MYRFL: variants seen among roughly 807,000 people sequenced by gnomAD.
MYRFL encodes myelin regulatory factor like.
A neutral mutation model predicts 109.4 loss-of-function variants in MYRFL; 88 were observed. That is an observed-to-expected ratio of 0.80 (90% CI 0.68 to 0.96). The LOEUF is 0.96. Ranked by LOEUF, MYRFL falls within the 40% of genes least tolerant of loss-of-function variation. MYRFL has a pLI of 0.00. For missense variants in MYRFL, 957 were observed against 954.9 expected (o/e 1.00, Z -0.03); for synonymous variants, 324 against 320.9 (o/e 1.01, Z -0.10).
chr12:69,851,534 G>T (rs576635912), intron 1 of MYRFL, among the ~76,000 whole-genome samples: 6 of 152,250 alleles, frequency 3.9e-5, no homozygotes, highest in African/African-American at 1.4e-4. Flanking sequence ...ATTATAAAAG[G>T]AGAGCTTTTA....
At chr12:69,935,884 A>G in intron 16 of MYRFL, 1 of 526,792 alleles carries the variant, frequency 1.9e-6, no homozygotes. Flanking sequence ...AAAATCCATC[A>G]GCATGGAATA....
At chr12:69,905,462 T>A (rs777004959) in intron 11 of MYRFL, among the ~76,000 whole-genome samples, 9 of 152,196 alleles carry the variant, frequency 5.9e-5, no homozygotes, top group Non-Finnish European at 1.2e-4. Flanking sequence ...TTCCTGCTCA[T>A]GGCAGCATGA....
At chr12:69,854,526 G>A (rs1348853960) in intron 1 of MYRFL, among the ~76,000 whole-genome samples, 1 of 152,158 alleles carries the variant, frequency 6.6e-6, no homozygotes, top group Non-Finnish European at 1.5e-5. Context: ...TGGGACTACA[G>A]GCACATGCCA....
At chr12:69,862,046 A>G (rs2136325096) in intron 2 of MYRFL, among the ~76,000 whole-genome samples, 1 of 150,206 alleles carries the variant, frequency 6.7e-6, no homozygotes, top group Non-Finnish European at 1.5e-5. Flanking sequence ...TTTGTCAAAG[A>G]TCAGATAGTT....
chr12:69,917,881 G>A lies in MYRFL; in HGVS notation c.1602+6951G>A, dbSNP rs1435006237. On this transcript the variant is annotated intron_variant, in intron 13 of 24. Transcript: ENST00000552032. ...AAGATAAGGTCAATATTGGCTTTGA[G>A]ATGTCAACTGAACATTTAGATGAAA... 2.0e-5 allele frequency among the ~76,000 whole-genome samples: 3 copies of A among 149,164 alleles called. No individual in the cohort carries two copies. In the East Asian group the frequency reaches 5.8e-4, roughly 29 times the overall value.
At chr12:69,914,328 T>G (rs1352500753) in intron 13 of MYRFL, among the ~76,000 whole-genome samples, 1 of 152,188 alleles carries the variant, frequency 6.6e-6, no homozygotes, top group Non-Finnish European at 1.5e-5. Context: ...AATTAAAGCT[T>G]TTTTTCATAA....
At chr12:69,919,901 A>ACTT (rs1358288286) in intron 13 of MYRFL, among the ~76,000 whole-genome samples, 1 of 152,228 alleles carries the variant, frequency 6.6e-6, no homozygotes, top group African/African-American at 2.4e-5. Flanking sequence ...GCCTATTTCA[A>ACTT]CTTCTTGAAG....
intron 1 of MYRFL, among the ~76,000 whole-genome samples, chr12:69,853,014 T>G (rs904123729): frequency 1.3e-5 from 2 of 152,236 alleles, no homozygotes; most frequent in Non-Finnish European, 2.9e-5. Context: ...AACATCTGAT[T>G]TCTCTTTCTT....
At position 69,886,801 on chromosome 12, in the gene MYRFL, C is replaced by T. The variant is rs74101368; in HGVS notation, c.557-19C>T. ...AAACAGCCTGGAAGGAAGGCTCTGA[C>T]GCACCTGTTTCTTTGCAGTGACAAG... On this transcript the variant is annotated intron_variant, in intron 5 of 24. Coordinates refer to ENST00000552032, the MANE Select transcript of MYRFL (RefSeq NM_182530.3). 5.8e-3 allele frequency: 8,963 copies of T among 1,535,236 alleles called. 429 individuals carry two copies. In the African/African-American group the frequency reaches 0.11, roughly 18 times the overall value.
chr12:69,909,823 T>C, intron 11 of MYRFL, 146 bp from the exon 12 acceptor site: 1 of 635,386 alleles, frequency 1.6e-6, no homozygotes, highest in South Asian at 2.1e-5. Flanking sequence ...AGCAGTTGGG[T>C]AATCCTGGCT....
intron 19 of MYRFL, among the ~76,000 whole-genome samples, chr12:69,937,630 T>C (rs953913871): frequency 1.2e-4 from 19 of 152,242 alleles, no homozygotes; most frequent in African/African-American, 4.1e-4. Flanking sequence ...TTATACTTCA[T>C]TGGCCAAAGC....
intron 6 of MYRFL, among the ~76,000 whole-genome samples, chr12:69,887,186 G>A (rs1479970231): frequency 6.6e-6 from 1 of 152,172 alleles, no homozygotes; most frequent in Non-Finnish European, 1.5e-5. Context: ...AGTTCCACCT[G>A]ATTATAATTT....
chr12:69,920,504 T>C (rs891466600), intron 13 of MYRFL, among the ~76,000 whole-genome samples: 17 of 152,276 alleles, frequency 1.1e-4, no homozygotes, highest in African/African-American at 4.1e-4. Flanking sequence ...AATCATCAAA[T>C]GTGTACTGAG....
At chr12:69,911,024 G>A (rs528371887) in intron 13 of MYRFL, 94 bp downstream of exon 13, 1 of 725,884 alleles carries the variant, frequency 1.4e-6, no homozygotes, top group South Asian at 1.8e-5. Context: ...ATCCAACCAG[G>A]AAGTGGGACA....
chr12:69,951,878 TG>T (rs1033211126), intron 19 of MYRFL, among the ~76,000 whole-genome samples: 3 of 152,248 alleles, frequency 2.0e-5, no homozygotes, highest in Admixed American at 2.0e-4. Context: ...TATATGCATT[TG>T]AATTTGGTAG....
At chr12:69,912,917 C>A (rs1203919531) in intron 13 of MYRFL, among the ~76,000 whole-genome samples, 1 of 152,156 alleles carries the variant, frequency 6.6e-6, no homozygotes, top group East Asian at 1.9e-4. Context: ...TACATTCCCA[C>A]CAACAGTTCC....
At chr12:69,841,942 T>C (rs1277108995) in intron 1 of MYRFL, among the ~76,000 whole-genome samples, 2 of 152,212 alleles carry the variant, frequency 1.3e-5, no homozygotes, top group Non-Finnish European at 2.9e-5. Context: ...GTGAGGTAGA[T>C]GCTTGTATTA....
chr12:69,895,360 G>A lies in MYRFL; in HGVS notation c.981-11G>A, dbSNP rs144716265. 1.7e-5 allele frequency: 25 copies of A among 1,485,228 alleles called. No homozygotes were observed. The highest frequency in any genetic ancestry group is 6.9e-5 in the Admixed American group (3 of 43,654). The allele number at this position is 1,485,228 out of a possible 1,614,324, so 92.0% of individuals were successfully genotyped here. A position where few individuals can be genotyped will look rare whatever the true frequency, so the allele number is the denominator to read the frequency against. On this transcript the variant is annotated splice_polypyrimidine_tract_variant and intron_variant, in intron 8 of 24. Transcript: ENST00000552032. ...AGTCTCTTGGTTTTTTTTTTTTGCTGTTTGTTTTAGAATTGACCTACTGGC... is the reference window on the plus strand; with the variant it reads ...AGTCTCTTGGTTTTTTTTTTTTGCTATTTGTTTTAGAATTGACCTACTGGC...
At position 69,932,513 on chromosome 12, in the gene MYRFL, G is replaced by GTTTAT. The variant is rs1314719921; in HGVS notation, c.1835_1839dup (p.Ser614IlefsTer19). 1 of 1,534,616 alleles carries GTTTAT rather than the reference G, an allele frequency of 6.5e-7. No individual in the cohort carries two copies. Among genetic ancestry groups the GTTTAT allele is most frequent in the Non-Finnish European group, 8.7e-7 (1 of 1,145,704 alleles). ...TGCTCATTACTGAACCTTTTTATAG[G>GTTTAT]TTTATTTTTCAGGAAAAAGACAGGC... On this transcript the variant is annotated frameshift_variant and splice_region_variant, in exon 16 of 25. Coordinates refer to ENST00000552032, the MANE Select transcript of MYRFL (RefSeq NM_182530.3). LOFTEE classifies it high-confidence loss of function.
Sources: allele counts gnomAD v4.1 joint callset (sites outside exome capture counted in the v4.1 genomes callset), GRCh38; gene constraint gnomAD v4.1.1; transcripts MANE v1.5; gene names NCBI Gene and HGNC (gene_info 2026-07-23, HGNC 2026-07-21).